CAMKMT: variants seen among roughly 807,000 people sequenced by gnomAD.
CAMKMT encodes the protein CaM KMT.
CAMKMT carries 53 observed loss-of-function variants against 48.0 expected under a neutral mutation model. That is an observed-to-expected ratio of 1.10 (90% confidence interval 0.89 to 1.39). CAMKMT has a LOEUF of 1.39. Ranked by LOEUF, CAMKMT falls within the 40% of genes most tolerant of loss-of-function variation. CAMKMT has a pLI of 0.00. For synonymous variants in CAMKMT, 165 were observed against 152.3 expected (o/e 1.08, Z -0.61); for missense variants, 428 against 402.7 (o/e 1.06, Z -0.54).
chr2:44,571,396 T>C (rs1023993318), intron 3 of CAMKMT, among the ~76,000 whole-genome samples: 2 of 152,206 alleles, frequency 1.3e-5, no homozygotes, highest in Non-Finnish European at 2.9e-5. Flanking sequence ...ATTAAGGTTT[T>C]AATATGTGTT....
At chr2:44,591,477 G>C (rs1229301179) in intron 3 of CAMKMT, among the ~76,000 whole-genome samples, 1 of 152,062 alleles carries the variant, frequency 6.6e-6, no homozygotes, top group Non-Finnish European at 1.5e-5. Flanking sequence ...CACGTCCCTT[G>C]TAAGTTGGAT....
In CAMKMT at chr2:44,400,102, A is replaced by G. The variant is rs1178769879; in HGVS notation, c.376+9797A>G. Among the ~76,000 whole-genome samples, 5 of 152,318 alleles carry G rather than the reference A, an allele frequency of 3.3e-5. No homozygotes were observed. The South Asian group carries it at 1.0e-3, about 32-fold the overall frequency. ...TTCATTTGAATCCCAAGTCATACCC[A>G]AACAAATCTGTTCATTCTACACAAG... On this transcript the variant is annotated intron_variant, in intron 3 of 10. Transcript: ENST00000378494.
chr2:44,452,226 G>A (rs1380034168), intron 3 of CAMKMT, among the ~76,000 whole-genome samples: 1 of 151,996 alleles, frequency 6.6e-6, no homozygotes, highest in Admixed American at 6.6e-5. Context: ...GGAATAAAAT[G>A]TGGGTGTGTA....
intron 3 of CAMKMT, among the ~76,000 whole-genome samples, chr2:44,654,005 T>C (rs191096309): frequency 1.1e-4 from 16 of 152,360 alleles, no homozygotes; most frequent in African/African-American, 3.8e-4. Context: ...CCGTGTATTT[T>C]AATTGACTCT....
At chr2:44,644,063 A>G (rs1673595671) in intron 3 of CAMKMT, among the ~76,000 whole-genome samples, 1 of 152,190 alleles carries the variant, frequency 6.6e-6, no homozygotes, top group Non-Finnish European at 1.5e-5. Context: ...GTAGGCAGAG[A>G]TGTTTTTAAC....
intron 3 of CAMKMT, among the ~76,000 whole-genome samples, chr2:44,496,555 A>G (rs532281755): frequency 6.6e-6 from 1 of 152,238 alleles, no homozygotes; most frequent in Non-Finnish European, 1.5e-5. Flanking sequence ...TTACAGGCAC[A>G]CAATAAATAT....
chr2:44,597,941 TGGTC>T (rs1481658547), intron 3 of CAMKMT, among the ~76,000 whole-genome samples: 1 of 152,158 alleles, frequency 6.6e-6, no homozygotes, highest in Non-Finnish European at 1.5e-5. Context: ...TTCACCATGT[TGGTC>T]AGGCTGGTCT....
At chr2:44,680,024 C>T (rs1487532034) in intron 3 of CAMKMT, among the ~76,000 whole-genome samples, 1 of 152,236 alleles carries the variant, frequency 6.6e-6, no homozygotes, top group East Asian at 1.9e-4. Flanking sequence ...GCTGCCATTA[C>T]TCCTAGCAAA....
At chr2:44,417,366 G>A (rs888051007) in intron 3 of CAMKMT, among the ~76,000 whole-genome samples, 2 of 152,112 alleles carry the variant, frequency 1.3e-5, no homozygotes, top group African/African-American at 2.4e-5. Flanking sequence ...CTGCACTCCA[G>A]CCTGGGTGAA....
Position 44,593,190 on chromosome 2 carries a change from A to G in CAMKMT, c.377-111093A>G, listed in dbSNP as rs1416205198. ...CCACTGAGGCAAAACTCTTTTGTGT[A>G]CTCAACTCAATGTTCAATGCATTAA... On this transcript the variant is annotated intron_variant, in intron 3 of 10. Coordinates refer to ENST00000378494, the MANE Select transcript of CAMKMT (RefSeq NM_024766.5). Among the ~76,000 whole-genome samples the G allele has an allele frequency of 2.0e-5, 3 of 152,240 alleles. No individual in the cohort carries two copies. In the East Asian group the frequency reaches 5.8e-4, roughly 29 times the overall value.
At chr2:44,699,910 C>T (rs1003059037) in intron 3 of CAMKMT, among the ~76,000 whole-genome samples, 5 of 152,236 alleles carry the variant, frequency 3.3e-5, no homozygotes. Context: ...GCAGTGAATT[C>T]TCTCTAGCTA....
chr2:44,418,428 T>C (rs1683715707), intron 3 of CAMKMT, among the ~76,000 whole-genome samples: 1 of 151,538 alleles, frequency 6.6e-6, no homozygotes, highest in South Asian at 2.1e-4. Flanking sequence ...TAAGGTTCTT[T>C]TGTTGTTGTT....
chr2:44,616,171 A>G (rs1343570773), intron 3 of CAMKMT, among the ~76,000 whole-genome samples: 7 of 152,164 alleles, frequency 4.6e-5, no homozygotes, highest in Non-Finnish European at 7.4e-5. Flanking sequence ...TGAACTGTGC[A>G]GCAGCCCCCT....
intron 3 of CAMKMT, among the ~76,000 whole-genome samples, chr2:44,525,620 T>C (rs1391685008): frequency 6.6e-6 from 1 of 152,194 alleles, no homozygotes; most frequent in Non-Finnish European, 1.5e-5. Context: ...TTGTTTCTAG[T>C]TTTTTGAGTA....
At chr2:44,495,143 A>G (rs1669695754) in intron 3 of CAMKMT, among the ~76,000 whole-genome samples, 1 of 152,162 alleles carries the variant, frequency 6.6e-6, no homozygotes, top group South Asian at 2.1e-4. Flanking sequence ...TCTAAAAATA[A>G]TTGATTTTTA....
chr2:44,712,537 T>A (rs1677938858), intron 6 of CAMKMT, among the ~76,000 whole-genome samples: 1 of 152,154 alleles, frequency 6.6e-6, no homozygotes, highest in African/African-American at 2.4e-5. Flanking sequence ...CGGGGCTTTA[T>A]TTGAGAAGAA....
At chr2:44,473,752 T>C (rs74492650) in intron 3 of CAMKMT, among the ~76,000 whole-genome samples, 2,772 of 152,316 alleles carry the variant, frequency 0.018, 87 homozygotes, top group African/African-American at 0.064. Context: ...AGAAACCCAA[T>C]TGACAAAAGT....
At chr2:44,403,843 A>C (rs1162792931) in intron 3 of CAMKMT, among the ~76,000 whole-genome samples, 1 of 152,224 alleles carries the variant, frequency 6.6e-6, no homozygotes, top group Non-Finnish European at 1.5e-5. Context: ...CAGCATTTCC[A>C]GTTTACATGT....
At chr2:44,363,911 A>C (rs1385118905) in intron 1 of CAMKMT, among the ~76,000 whole-genome samples, 1 of 151,136 alleles carries the variant, frequency 6.6e-6, no homozygotes, top group Non-Finnish European at 1.5e-5. Flanking sequence ...GGCTGGTCTC[A>C]AACTCCTGAC....
Sources: allele counts gnomAD v4.1 joint callset (sites outside exome capture counted in the v4.1 genomes callset), GRCh38; gene constraint gnomAD v4.1.1; transcripts MANE v1.5; gene names NCBI Gene and HGNC (gene_info 2026-07-23, HGNC 2026-07-21).